Variants in IL1RAPL2 observed in about 807,000 individuals in gnomAD.
The protein encoded by IL1RAPL2 is X-linked interleukin-1 receptor accessory protein-like 2.
IL1RAPL2 carries 3 observed loss-of-function variants against 44.1 expected under a neutral mutation model. The observed-to-expected ratio is 0.07, with a 90% CI of 0.03 to 0.18. The LOEUF (loss-of-function observed/expected upper bound fraction) is 0.18, where lower values mean the gene tolerates loss of function less well. Ranked by LOEUF, IL1RAPL2 falls within the 10% of genes least tolerant of loss-of-function variation. The pLI is 1.00. For synonymous variants in IL1RAPL2, 181 were observed against 178.8 expected (o/e 1.01, Z -0.10); for missense variants, 391 against 496.4 (o/e 0.79, Z 2.02).
intron 6 of IL1RAPL2, among the ~76,000 whole-genome samples, chrX:105,486,626 T>C (rs1420110719): frequency 9.0e-6 from 1 of 111,215 alleles, no homozygotes; most frequent in Non-Finnish European, 1.9e-5. Flanking sequence ...AGGGGTTACA[T>C]GGAGCCATAT....
rs748826139 is a variant in IL1RAPL2 at position 105,247,589 on chromosome X, G to GTA, written c.543+13586_543+13587insAT. On this transcript the variant is annotated intron_variant, in intron 4 of 10. Coordinates refer to ENST00000372582, the MANE Select transcript of IL1RAPL2 (RefSeq NM_017416.2). ...ACCACTAAATAGAATAGAAGTGTGT[G>GTA]TGTATATATATATATGTGTGTGTGT... Among the ~76,000 whole-genome samples the GTA allele has an allele frequency of 7.4e-3, 698 of 94,965 alleles. 13 individuals are homozygous for GTA. Among genetic ancestry groups the GTA allele is most frequent in the African/African-American group, 0.033 (671 of 20,597 alleles). The allele number at this position is 94,965 out of a possible 115,157, so 82.5% of individuals were successfully genotyped here.
At chrX:105,224,701 A>G (rs1412074884) in intron 3 of IL1RAPL2, among the ~76,000 whole-genome samples, 2 of 112,233 alleles carry the variant, frequency 1.8e-5, no homozygotes, top group African/African-American at 6.5e-5. Context: ...TGTGAATTCT[A>G]TGATAGTAAC....
chrX:104,656,418 T>C (rs2148022343), intron 1 of IL1RAPL2, among the ~76,000 whole-genome samples: 1 of 112,194 alleles, frequency 8.9e-6, no homozygotes, highest in Admixed American at 9.5e-5. Context: ...ATTTCTGCCT[T>C]CATTTCGTTA....
intron 6 of IL1RAPL2, among the ~76,000 whole-genome samples, chrX:105,544,216 T>C (rs2036769426): frequency 8.9e-6 from 1 of 112,068 alleles, no homozygotes; most frequent in African/African-American, 3.2e-5. Flanking sequence ...GGCTTATTCA[T>C]TGCTATTATT....
intron 5 of IL1RAPL2, among the ~76,000 whole-genome samples, chrX:105,438,344 A>G (rs1277101552): frequency 8.9e-6 from 1 of 111,733 alleles, no homozygotes; most frequent in Non-Finnish European, 1.9e-5. Flanking sequence ...TTAGCCTAAC[A>G]TATAAGATCC....
At chrX:104,943,563 T>A (rs1925257665) in intron 2 of IL1RAPL2, among the ~76,000 whole-genome samples, 1 of 111,572 alleles carries the variant, frequency 9.0e-6, no homozygotes, top group Non-Finnish European at 1.9e-5. Flanking sequence ...GTTAGGGCTT[T>A]TATATTGTTT....
chrX:105,623,360 C>T (rs1234913007), intron 6 of IL1RAPL2, among the ~76,000 whole-genome samples: 2 of 109,724 alleles, frequency 1.8e-5, no homozygotes, highest in African/African-American at 6.6e-5. Context: ...TATATATATA[C>T]ATATATAAAT....
chrX:105,472,971 A>G (rs1313797923), intron 5 of IL1RAPL2, among the ~76,000 whole-genome samples: 2 of 112,064 alleles, frequency 1.8e-5, no homozygotes, highest in African/African-American at 6.5e-5. Flanking sequence ...TAGCTCTGCC[A>G]TCTTTGCTAG....
At chrX:105,596,899 T>C (rs779230123) in intron 6 of IL1RAPL2, among the ~76,000 whole-genome samples, 2 of 111,908 alleles carry the variant, frequency 1.8e-5, no homozygotes, top group East Asian at 5.6e-4. Flanking sequence ...CCCTTTGACA[T>C]TGATCTTGGC....
intron 3 of IL1RAPL2, chrX:105,220,509 C>T: frequency 1.4e-6 from 1 of 711,345 alleles, no homozygotes; most frequent in South Asian, 3.3e-5. Context: ...GCCCTCTTGT[C>T]CCCGCCCTAC....
chrX:104,891,615 G>A (rs1313809790), intron 2 of IL1RAPL2, among the ~76,000 whole-genome samples: 1 of 111,949 alleles, frequency 8.9e-6, no homozygotes, highest in Non-Finnish European at 1.9e-5. Context: ...TGATGTATAA[G>A]AATGCTTGTG....
intron 2 of IL1RAPL2, among the ~76,000 whole-genome samples, chrX:105,059,600 G>A (rs1312199968): frequency 3.6e-5 from 4 of 110,819 alleles, no homozygotes; most frequent in Non-Finnish European, 7.6e-5. Flanking sequence ...GCACAGTCTC[G>A]GCTCACTGCA....
chrX:105,331,208 G>T (rs985312893), intron 5 of IL1RAPL2, among the ~76,000 whole-genome samples: 3 of 110,712 alleles, frequency 2.7e-5, no homozygotes. Flanking sequence ...GCTTATGCAT[G>T]GTCTGTCACA....
chrX:105,503,423 G>A (rs1249530404), intron 6 of IL1RAPL2, among the ~76,000 whole-genome samples: 1 of 111,644 alleles, frequency 9.0e-6, no homozygotes, highest in Admixed American at 9.5e-5. Flanking sequence ...ATGCGCTTTG[G>A]TCTTGGTAGA....
chrX:105,020,687 C>T (rs759639279), intron 2 of IL1RAPL2, among the ~76,000 whole-genome samples: 1 of 111,550 alleles, frequency 9.0e-6, no homozygotes, highest in Non-Finnish European at 1.9e-5. Context: ...CCTAGGCTCT[C>T]AATATGTGTT....
chrX:104,894,448 C>T (rs190626344), intron 2 of IL1RAPL2, among the ~76,000 whole-genome samples: 90 of 111,950 alleles, frequency 8.0e-4, no homozygotes, highest in Admixed American at 2.5e-3. Context: ...GGTCTTTTCA[C>T]GTAGTCCCAT....
At chrX:104,839,474 G>A (rs1470982529) in intron 2 of IL1RAPL2, among the ~76,000 whole-genome samples, 1 of 111,658 alleles carries the variant, frequency 9.0e-6, no homozygotes, top group Non-Finnish European at 1.9e-5. Flanking sequence ...ATATGCTGCT[G>A]GACTCAGTTT....
chrX:104,880,368 G>T (rs1161203941), intron 2 of IL1RAPL2, among the ~76,000 whole-genome samples: 1 of 111,520 alleles, frequency 9.0e-6, no homozygotes, highest in Non-Finnish European at 1.9e-5. Context: ...GAGAAAAAGC[G>T]TACAGTAGTC....
chrX:105,524,807 G>A (rs1306994043), intron 6 of IL1RAPL2, among the ~76,000 whole-genome samples: 2 of 110,424 alleles, frequency 1.8e-5, no homozygotes, highest in African/African-American at 6.6e-5. Context: ...CTGGCTATGT[G>A]GCCTTTGGCA....
Sources: gnomAD v4.1 joint callset for allele counts (sites outside exome capture counted in the v4.1 genomes callset) on GRCh38, gnomAD v4.1.1 for gene constraint, MANE v1.5 for transcripts, NCBI Gene and HGNC (gene_info 2026-07-23, HGNC 2026-07-21) for gene names.